The following GRM5 variants were observed in gnomAD, a reference collection of about 807,000 sequenced individuals.
The protein encoded by GRM5 is glutamate metabotropic receptor 5, also known as metabotropic glutamate receptor 5.
In GRM5, 19 loss-of-function variants were observed where a neutral mutation model predicts 83.1. That is an observed-to-expected ratio of 0.23 (90% CI 0.16 to 0.34). The LOEUF is 0.34. Ranked by LOEUF, GRM5 falls within the 10% of genes least tolerant of loss-of-function variation. The pLI is 1.00. For missense variants in GRM5, 1,160 were observed against 1,588.3 expected (o/e 0.73, Z 4.58); for synonymous variants, 675 against 633.6 (o/e 1.07, Z -0.98).
At chr11:88,679,092 A>G (rs1940410729) in intron 3 of GRM5, among the ~76,000 whole-genome samples, 1 of 152,168 alleles carries the variant, frequency 6.6e-6, no homozygotes, top group Non-Finnish European at 1.5e-5. Context: ...TTTAGAAACA[A>G]CTTTCTATAT....
chr11:88,834,740 C>T (rs951309266), intron 3 of GRM5, among the ~76,000 whole-genome samples: 5 of 152,144 alleles, frequency 3.3e-5, no homozygotes, highest in African/African-American at 1.2e-4. Flanking sequence ...ACGTGATTTG[C>T]AAAGGCCAGA....
Position 88,543,633 on chromosome 11 carries a change from C to CTTT in GRM5, c.2631-18232_2631-18230dup, listed in dbSNP as rs57828466. On this transcript the variant is annotated intron_variant, in intron 8 of 9. Transcript: ENST00000305447. ...CCAGGACCCATACCATCATGTTATC[C>CTTT]TTTTTTTTTTTTTTTTGAGGCCTTT... Among the ~76,000 whole-genome samples the CTTT allele has an allele frequency of 4.7e-4, 63 of 133,776 alleles. 1 individual carries two copies. The highest frequency in any genetic ancestry group is 6.7e-4 in the Non-Finnish European group (42 of 62,488). 87.8% of individuals were successfully genotyped at this position (133,776 alleles called of 152,430 possible).
intron 2 of GRM5, among the ~76,000 whole-genome samples, chr11:88,973,945 C>T (rs370079030): frequency 3.9e-5 from 6 of 151,998 alleles, no homozygotes; most frequent in African/African-American, 1.4e-4. Context: ...AAAGCTATTG[C>T]CTGGATAACA....
At chr11:88,780,835 A>C (rs1047700621) in intron 3 of GRM5, among the ~76,000 whole-genome samples, 1 of 152,014 alleles carries the variant, frequency 6.6e-6, no homozygotes, top group Non-Finnish European at 1.5e-5. Flanking sequence ...TTTCCTATTG[A>C]AAAAGTGTTC....
Position 88,771,414 on chromosome 11 carries a change from C to G in GRM5, c.911+78492G>C, listed in dbSNP as rs377683610. Reference sequence around the variant, plus strand: ...ATTCCACGGCTGAAGGCCCAAGAGTCCCTAGCAACCCACTGGTGTAAGTGC... The same window carrying G: ...ATTCCACGGCTGAAGGCCCAAGAGTGCCTAGCAACCCACTGGTGTAAGTGC... On this transcript the variant is annotated intron_variant, in intron 3 of 9. Transcript: ENST00000305447. Among the ~76,000 whole-genome samples, 62 of 152,204 alleles carry G rather than the reference C, an allele frequency of 4.1e-4. 1 individual carries two copies. Among genetic ancestry groups the G allele is most frequent in the African/African-American group, 1.5e-3 (62 of 41,534 alleles).
At chr11:89,009,900 CAAAAAAAAA>C (rs758398638) in intron 2 of GRM5, among the ~76,000 whole-genome samples, 9 of 21,688 alleles carry the variant, frequency 4.1e-4, no homozygotes, top group African/African-American at 9.2e-4. Flanking sequence ...GACTCCGTCT[CAAAAAAAAA>C]AAAAAAAAAA....
intron 2 of GRM5, among the ~76,000 whole-genome samples, chr11:89,042,393 C>G (rs11018439): frequency 6.6e-6 from 1 of 152,062 alleles, no homozygotes; most frequent in Non-Finnish European, 1.5e-5. Context: ...CAAGACACAA[C>G]TCTGCAACTA....
intron 2 of GRM5, among the ~76,000 whole-genome samples, chr11:88,997,986 G>C (rs1430455265): frequency 1.3e-5 from 2 of 150,886 alleles, no homozygotes; most frequent in African/African-American, 4.9e-5. Context: ...CAAAACCAAA[G>C]AAAGTATTCC....
chr11:88,873,474 C>A (rs1226273862), intron 2 of GRM5, among the ~76,000 whole-genome samples: 2 of 151,550 alleles, frequency 1.3e-5, no homozygotes, highest in African/African-American at 4.8e-5. Context: ...AAAAAATACT[C>A]TTATCACATT....
At chr11:89,024,774 G>A (rs1591058069) in intron 2 of GRM5, among the ~76,000 whole-genome samples, 1 of 152,244 alleles carries the variant, frequency 6.6e-6, no homozygotes, top group Admixed American at 6.5e-5. Context: ...CTTGAAGTAT[G>A]AATCAAGCTT....
At chr11:88,538,663 A>G (rs1942192484) in intron 8 of GRM5, among the ~76,000 whole-genome samples, 1 of 152,208 alleles carries the variant, frequency 6.6e-6, no homozygotes. Context: ...ATGAAGCTAG[A>G]TAATAAATGT....
chr11:88,789,279 A>G (rs1943127796), intron 3 of GRM5, among the ~76,000 whole-genome samples: 1 of 152,150 alleles, frequency 6.6e-6, no homozygotes, highest in Non-Finnish European at 1.5e-5. Context: ...TACCTTTAAC[A>G]AGAAGGAAAT....
intron 2 of GRM5, among the ~76,000 whole-genome samples, chr11:89,004,390 T>C (rs555735851): frequency 1.3e-5 from 2 of 152,198 alleles, no homozygotes; most frequent in Non-Finnish European, 1.5e-5. Flanking sequence ...TTAAATGACA[T>C]TGAACTTCTC....
intron 2 of GRM5, among the ~76,000 whole-genome samples, chr11:88,983,016 A>C (rs1459364362): frequency 6.6e-6 from 1 of 152,202 alleles, no homozygotes; most frequent in Non-Finnish European, 1.5e-5. Flanking sequence ...CAGTGAGCTG[A>C]GATCACGCCA....
At chr11:89,048,657 A>AT (rs1269037467) in intron 1 of GRM5, among the ~76,000 whole-genome samples, 37 of 152,228 alleles carry the variant, frequency 2.4e-4, no homozygotes, top group African/African-American at 8.7e-4. Context: ...GTATTGTCTA[A>AT]TTAATGTGGA....
At chr11:88,863,951 T>C (rs1399345366) in intron 2 of GRM5, among the ~76,000 whole-genome samples, 1 of 151,662 alleles carries the variant, frequency 6.6e-6, no homozygotes, top group Non-Finnish European at 1.5e-5. Context: ...CTGGCTATAA[T>C]AGAGACTCCC....
intron 5 of GRM5, among the ~76,000 whole-genome samples, chr11:88,597,883 T>C (rs2135220282): frequency 6.6e-6 from 1 of 152,134 alleles, no homozygotes; most frequent in East Asian, 1.9e-4. Flanking sequence ...TAAAAAAGTT[T>C]GAAAATAGCT....
At chr11:88,622,578 G>T (rs1938668224) in intron 4 of GRM5, among the ~76,000 whole-genome samples, 1 of 152,158 alleles carries the variant, frequency 6.6e-6, no homozygotes, top group Admixed American at 6.6e-5. Context: ...CTCAGGAGCT[G>T]CATGCTGGAG....
At chr11:88,802,571 C>T (rs1218108916) in intron 3 of GRM5, among the ~76,000 whole-genome samples, 1 of 152,100 alleles carries the variant, frequency 6.6e-6, no homozygotes. Context: ...AACTCACAGC[C>T]AATATCATAC....
Sources: allele counts gnomAD v4.1 joint callset (sites outside exome capture counted in the v4.1 genomes callset), GRCh38; gene constraint gnomAD v4.1.1; transcripts MANE v1.5; gene names NCBI Gene and HGNC (gene_info 2026-07-23, HGNC 2026-07-21).